FSIP1: variants seen among roughly 807,000 people sequenced by gnomAD.
FSIP1 encodes fibrous sheath-interacting protein 1.
Under a neutral mutation model 60.9 loss-of-function variants are expected in FSIP1, and 65 were observed. That is an observed-to-expected ratio of 1.07 (90% CI 0.87 to 1.31). The LOEUF is 1.31. Ranked by LOEUF, FSIP1 falls within the 40% of genes most tolerant of loss-of-function variation. The pLI, the probability that FSIP1 is intolerant of heterozygous loss-of-function variation, is 0.00. For missense variants in FSIP1, 675 were observed against 665.5 expected, an observed-to-expected ratio of 1.01 and a Z score of -0.16; for synonymous variants, 209 against 221.2, an observed-to-expected ratio of 0.94 and a Z score of 0.49.
At chr15:39,690,769 G>A (rs1894565752) in intron 10 of FSIP1, among the ~76,000 whole-genome samples, 1 of 152,126 alleles carries the variant, frequency 6.6e-6, no homozygotes, top group African/African-American at 2.4e-5. Flanking sequence ...GGATCCCAGG[G>A]GACTGCTGCT....
chr15:39,602,442 TTG>T, intron 11 of FSIP1: 1 of 450,352 alleles, frequency 2.2e-6, no homozygotes, highest in Non-Finnish European at 4.4e-6. Flanking sequence ...TGGTAAGTTG[TTG>T]TGACAACCAT....
At chr15:39,645,889 G>C (rs534389657) in intron 10 of FSIP1, among the ~76,000 whole-genome samples, 13 of 152,242 alleles carry the variant, frequency 8.5e-5, no homozygotes, top group Non-Finnish European at 1.5e-4. Context: ...CGGGGTGGAA[G>C]GGGGCAGGGT....
intron 5 of FSIP1, among the ~76,000 whole-genome samples, chr15:39,745,118 G>A (rs1303138547): frequency 8.1e-6 from 1 of 124,100 alleles, no homozygotes; most frequent in Non-Finnish European, 1.6e-5. Context: ...GCCATCCCCA[G>A]GCCATGATGC....
chr15:39,658,913 G>A (rs74614759), intron 10 of FSIP1, among the ~76,000 whole-genome samples: 1,781 of 152,276 alleles, frequency 0.012, 44 homozygotes, highest in African/African-American at 0.04. Context: ...GAATCCAAAC[G>A]TCCAAGTGAC....
intron 10 of FSIP1, among the ~76,000 whole-genome samples, chr15:39,621,973 AC>A (rs1891457773): frequency 6.6e-6 from 1 of 152,182 alleles, no homozygotes. Flanking sequence ...TTTTTAAGGC[AC>A]TATATTGATA....
chr15:39,774,139 A>G (rs1324603688), intron 2 of FSIP1, among the ~76,000 whole-genome samples: 1 of 152,226 alleles, frequency 6.6e-6, no homozygotes, highest in African/African-American at 2.4e-5. Flanking sequence ...AGTCAAAGCA[A>G]TTTCAATCAA....
chr15:39,687,510 G>A (rs1229164568), intron 10 of FSIP1, among the ~76,000 whole-genome samples: 6 of 152,116 alleles, frequency 3.9e-5, no homozygotes, highest in Non-Finnish European at 8.8e-5. Context: ...TCTATTCTAA[G>A]GTAAACATGA....
chr15:39,693,980 A>T (rs1037917838), intron 10 of FSIP1, among the ~76,000 whole-genome samples: 1 of 152,232 alleles, frequency 6.6e-6, no homozygotes, highest in Non-Finnish European at 1.5e-5. Flanking sequence ...ATGGATATAT[A>T]TTTATCAGCT....
chr15:39,751,428 CA>C (rs1209845650), intron 5 of FSIP1, among the ~76,000 whole-genome samples: 2 of 150,398 alleles, frequency 1.3e-5, no homozygotes, highest in Non-Finnish European at 3.0e-5. Flanking sequence ...AACACACACA[CA>C]CACACACACA....
intron 4 of FSIP1, 22 bp from the exon 5 acceptor site, chr15:39,763,936 T>G: frequency 7.6e-7 from 1 of 1,310,816 alleles, no homozygotes; most frequent in East Asian, 2.3e-5. Flanking sequence ...AAAATTAAAA[T>G]TTAAACATGG....
chr15:39,741,851 T>G lies in FSIP1; in HGVS notation c.609A>C (p.Gln203His), dbSNP rs566483547. Residue 203 changes from glutamine (Q) to histidine (H), a missense_variant, in exon 6 of 12, where the codon CAA becomes CAC. Gln to His is a conservative substitution (Grantham distance 24). Coordinates refer to ENST00000350221, the MANE Select transcript of FSIP1 (RefSeq NM_152597.5). ...GCATTTCATATTCTTCTGGAGGGAT[T>G]TGAGTATGAAACACTGAGGAAAAGG... The part of the protein sequence containing the change: ...EDTFSSVFHT[Q>H]IPPEEYEMQM... 1.0e-4 allele frequency: 165 copies of G among 1,607,528 alleles called. 2 individuals carry two copies. The South Asian group carries it at 1.5e-3, about 15-fold the overall frequency.
chr15:39,636,396 C>T (rs1230773708), intron 10 of FSIP1, among the ~76,000 whole-genome samples: 1 of 149,454 alleles, frequency 6.7e-6, no homozygotes, highest in Non-Finnish European at 1.5e-5. Context: ...CTATCACCTC[C>T]TACCTTTGAC....
chr15:39,733,179 C>T (rs1402104936), intron 8 of FSIP1, among the ~76,000 whole-genome samples: 3 of 152,154 alleles, frequency 2.0e-5, no homozygotes, highest in Non-Finnish European at 4.4e-5. Context: ...TACAGGCATG[C>T]ACCACCAAAC....
intron 10 of FSIP1, among the ~76,000 whole-genome samples, chr15:39,663,283 G>A (rs1028483084): frequency 7.9e-5 from 12 of 152,024 alleles, no homozygotes; most frequent in Non-Finnish European, 1.3e-4. Flanking sequence ...CTACAGATTC[G>A]CCAACGTTGA....
At chr15:39,780,176 C>G (rs2638008) in intron 1 of FSIP1, among the ~76,000 whole-genome samples, 3 of 152,192 alleles carry the variant, frequency 2.0e-5, no homozygotes, top group Admixed American at 6.5e-5. Context: ...TCCTCCCCAA[C>G]GCAGACACAC....
At chr15:39,676,253 A>G (rs1893936616) in intron 10 of FSIP1, among the ~76,000 whole-genome samples, 2 of 152,136 alleles carry the variant, frequency 1.3e-5, no homozygotes, top group Non-Finnish European at 2.9e-5. Flanking sequence ...CCAGAAAAAT[A>G]CTAGGTGTAT....
intron 9 of FSIP1, among the ~76,000 whole-genome samples, chr15:39,723,375 C>T (rs995875138): frequency 1.6e-4 from 25 of 152,066 alleles, no homozygotes; most frequent in African/African-American, 5.6e-4. Context: ...ACTACAGGCG[C>T]CTGCCACCAC....
At position 39,697,338 on chromosome 15, in the gene FSIP1, C is replaced by A. The variant is rs143218815; in HGVS notation, c.1188+16106G>T. Among the ~76,000 whole-genome samples, 530 of 152,288 alleles carry A rather than the reference C, an allele frequency of 3.5e-3. 3 individuals are homozygous for A. The highest frequency in any genetic ancestry group is 0.012 in the African/African-American group (506 of 41,556). The stretch of plus-strand genomic sequence containing the variant: ...TTCTCTAGTACTTCCCAGTGGGAAG[C>A]GCCTCAGTGGAGGCAGGGCCTGAAA... On this transcript the variant is annotated intron_variant, in intron 10 of 11. Transcript: ENST00000350221.
chr15:39,689,629 C>T (rs28405966), intron 10 of FSIP1, among the ~76,000 whole-genome samples: 1 of 152,186 alleles, frequency 6.6e-6, no homozygotes, highest in East Asian at 1.9e-4. Flanking sequence ...ACCCCTCTCA[C>T]TCAGGATATT....
Sources: gnomAD v4.1 joint callset for allele counts (sites outside exome capture counted in the v4.1 genomes callset) on GRCh38, gnomAD v4.1.1 for gene constraint, MANE v1.5 for transcripts, NCBI Gene and HGNC (gene_info 2026-07-23, HGNC 2026-07-21) for gene names.